Variants in ATP8A1 observed in about 807,000 individuals in gnomAD.
ATP8A1 encodes the protein ATPase phospholipid transporting 8A1.
In ATP8A1, 90 loss-of-function variants were observed where a neutral mutation model predicts 177.7. The observed-to-expected ratio is 0.51, with a 90% CI of 0.43 to 0.60. The LOEUF is 0.60. Among genes scored for constraint, ATP8A1 ranks in the 20% least tolerant of loss-of-function variants. The pLI, the probability that ATP8A1 is intolerant of heterozygous loss-of-function variation, is 0.00. For synonymous variants in ATP8A1, 493 were observed against 485.9 expected, an observed-to-expected ratio of 1.01 and a Z score of -0.19; for missense variants, 1,072 against 1,392.8, an observed-to-expected ratio of 0.77 and a Z score of 3.67.
At chr4:42,588,598 G>T (rs1264527000) in intron 7 of ATP8A1, 2 of 290,390 alleles carry the variant, frequency 6.9e-6, no homozygotes, top group African/African-American at 4.4e-5. Context: ...CAAATGAATA[G>T]ATTTGCACAT....
chr4:42,572,247 T>C (rs1174085955), intron 14 of ATP8A1, among the ~76,000 whole-genome samples: 1 of 152,176 alleles, frequency 6.6e-6, no homozygotes, highest in Admixed American at 6.5e-5. Context: ...ATTAAGCAAT[T>C]GTTAAATGCT....
rs541624234 is a variant in ATP8A1, at chr4:42,610,890, C to A, written c.409+5143G>T. On this transcript the variant is annotated intron_variant, in intron 5 of 36. Transcript: ENST00000381668. ...ATATGTTCAGGTCTACCGAACAGAG[C>A]AGATGTGGGGGTACCTCCAGAGAGA... Among the ~76,000 whole-genome samples the A allele has an allele frequency of 2.0e-5, 3 of 152,232 alleles. No homozygotes were observed. In the South Asian group the frequency reaches 6.2e-4, roughly 32 times the overall value.
intron 25 of ATP8A1, chr4:42,472,176 C>A: frequency 1.6e-6 from 1 of 610,990 alleles, no homozygotes. Context: ...CTGTATATGA[C>A]ACAATTCTTG....
In ATP8A1 at chr4:42,600,388, C is replaced by T. The variant is rs557729811; in HGVS notation, c.450+90G>A. 1.4e-4 allele frequency: 141 copies of T among 999,440 alleles called. No homozygotes were observed. In the African/African-American group the frequency reaches 2.0e-3, roughly 14 times the overall value. 61.9% of individuals were successfully genotyped at this position (999,440 alleles called of 1,614,324 possible). ...GCTTTTATATTAGTAAAATTCTTCA[C>T]ATTTGCTCATATTATACAAAAAATT... On this transcript the variant is annotated intron_variant, in intron 6 of 36. Transcript: ENST00000381668.
chr4:42,498,381 C>G (rs1048908670), intron 24 of ATP8A1, among the ~76,000 whole-genome samples: 2 of 152,190 alleles, frequency 1.3e-5, no homozygotes, highest in Non-Finnish European at 2.9e-5. Flanking sequence ...TCAAAACTTA[C>G]ATGGTGTTAG....
chr4:42,463,078 C>T (rs904644787), intron 27 of ATP8A1, among the ~76,000 whole-genome samples: 1 of 152,086 alleles, frequency 6.6e-6, no homozygotes, highest in African/African-American at 2.4e-5. Flanking sequence ...AAGGGACTTG[C>T]CTTGTCTCAG....
intron 25 of ATP8A1, among the ~76,000 whole-genome samples, chr4:42,484,275 T>C (rs912530132): frequency 6.6e-6 from 1 of 152,204 alleles, no homozygotes; most frequent in Admixed American, 6.5e-5. Context: ...ATGACTAATA[T>C]TAAACATCTG....
chr4:42,655,657 T>C (rs1741541276), intron 1 of ATP8A1, among the ~76,000 whole-genome samples: 1 of 152,208 alleles, frequency 6.6e-6, no homozygotes, highest in Non-Finnish European at 1.5e-5. Context: ...CACAGGCCAG[T>C]TTTGAATCTT....
intron 20 of ATP8A1, among the ~76,000 whole-genome samples, chr4:42,533,922 A>C (rs1418779762): frequency 1.3e-5 from 2 of 152,152 alleles, no homozygotes. Flanking sequence ...GAACGGAAAT[A>C]ACAATCACTG....
intron 25 of ATP8A1, among the ~76,000 whole-genome samples, chr4:42,482,070 A>T (rs1486667129): frequency 6.6e-6 from 1 of 152,132 alleles, no homozygotes; most frequent in African/African-American, 2.4e-5. Flanking sequence ...TGGGAGGCCG[A>T]GTGTGTGGAC....
rs1229012995 is a variant in ATP8A1, at chr4:42,458,362, G to A, written c.2620-2763C>T. 5.3e-5 allele frequency among the ~76,000 whole-genome samples: 8 copies of A among 152,130 alleles called. No homozygotes were observed. In the South Asian group the frequency reaches 1.0e-3, roughly 20 times the overall value. On this transcript the variant is annotated intron_variant, in intron 27 of 36. Coordinates refer to ENST00000381668, the MANE Select transcript of ATP8A1 (RefSeq NM_006095.2). ...CTTGCTGGGACAGTATCACCTTATT[G>A]ACTTTTATCAAAGCTTCTGGAAATT...
chr4:42,509,387 A>G (rs1342590706), intron 22 of ATP8A1, among the ~76,000 whole-genome samples: 2 of 152,218 alleles, frequency 1.3e-5, no homozygotes, highest in Non-Finnish European at 2.9e-5. Context: ...GGGGATGGGA[A>G]TGAGTGCTAA....
chr4:42,444,003 T>C (rs1466332802), intron 32 of ATP8A1, among the ~76,000 whole-genome samples: 1 of 152,192 alleles, frequency 6.6e-6, no homozygotes, highest in East Asian at 1.9e-4. Context: ...CCGAAACATG[T>C]CAGACCCTTG....
intron 24 of ATP8A1, among the ~76,000 whole-genome samples, chr4:42,489,928 G>T (rs1041765194): frequency 2.6e-5 from 4 of 152,096 alleles, no homozygotes; most frequent in African/African-American, 9.7e-5. Flanking sequence ...AAGACCACAG[G>T]CTCAATGAAA....
chr4:42,433,034 T>C (rs6848245), intron 33 of ATP8A1, among the ~76,000 whole-genome samples: 64,909 of 152,020 alleles, frequency 0.43, 14,256 homozygotes, highest in African/African-American at 0.51. Context: ...TATTCTGTAA[T>C]GAAAAGATGT....
At chr4:42,569,054 T>G in intron 15 of ATP8A1, 107 bp downstream of exon 15, 1 of 466,822 alleles carries the variant, frequency 2.1e-6, no homozygotes, top group South Asian at 7.3e-5. Context: ...CAATATTTTA[T>G]TTATATATAT....
chr4:42,516,004 G>A (rs1007797059), intron 22 of ATP8A1, among the ~76,000 whole-genome samples: 2 of 152,190 alleles, frequency 1.3e-5, no homozygotes, highest in African/African-American at 2.4e-5. Context: ...TGCATGGAAA[G>A]CATGAACTAG....
intron 6 of ATP8A1, chr4:42,594,164 ATAAAAAT>A: frequency 1.8e-6 from 1 of 544,242 alleles, no homozygotes; most frequent in Non-Finnish European, 3.2e-6. Context: ...AAATGTTTAA[ATAAAAAT>A]TATTAGAGAG....
chr4:42,584,357 A>T (rs1733405656), intron 9 of ATP8A1, among the ~76,000 whole-genome samples: 1 of 152,206 alleles, frequency 6.6e-6, no homozygotes, highest in Non-Finnish European at 1.5e-5. Context: ...TCTTTGCAAC[A>T]AAACTCTTTG....
Sources: allele counts gnomAD v4.1 joint callset (sites outside exome capture counted in the v4.1 genomes callset), GRCh38; gene constraint gnomAD v4.1.1; transcripts MANE v1.5; gene names NCBI Gene and HGNC (gene_info 2026-07-23, HGNC 2026-07-21).